Variants in CDC42BPA observed in about 807,000 individuals in gnomAD.
The protein encoded by CDC42BPA is serine/threonine-protein kinase MRCK alpha.
Under a neutral mutation model 223.5 loss-of-function variants are expected in CDC42BPA, and 80 were observed. The ratio of observed to expected loss-of-function variants is 0.36; its 90% CI spans 0.30 to 0.43. The LOEUF is 0.43. CDC42BPA is among the 20% of genes least tolerant of loss of function. The pLI is 1.00. For missense variants in CDC42BPA, 1,743 were observed against 2,099.9 expected (o/e 0.83, Z 3.32); for synonymous variants, 694 against 718.6 (o/e 0.97, Z 0.55).
At chr1:227,196,823 A>G (rs1670839111) in intron 4 of CDC42BPA, among the ~76,000 whole-genome samples, 2 of 152,198 alleles carry the variant, frequency 1.3e-5, no homozygotes, top group African/African-American at 4.8e-5. Context: ...CCTCAACCAT[A>G]AAGTAACTAA....
At chr1:227,215,135 C>A (rs1674604276) in intron 2 of CDC42BPA, among the ~76,000 whole-genome samples, 1 of 152,104 alleles carries the variant, frequency 6.6e-6, no homozygotes, top group Admixed American at 6.6e-5. Context: ...ATAGAGTATA[C>A]AAACTAAATT....
intron 1 of CDC42BPA, among the ~76,000 whole-genome samples, chr1:227,303,390 C>A (rs1052393981): frequency 6.6e-6 from 1 of 152,216 alleles, no homozygotes; most frequent in African/African-American, 2.4e-5. Flanking sequence ...TTTACTTAAT[C>A]TCCTTATTTT....
chr1:227,073,017 G>A (rs10495261), intron 19 of CDC42BPA, among the ~76,000 whole-genome samples: 2 of 151,954 alleles, frequency 1.3e-5, no homozygotes, highest in African/African-American at 4.8e-5. Flanking sequence ...TAATCCAACA[G>A]AAGTATCATG....
intron 35 of CDC42BPA, among the ~76,000 whole-genome samples, chr1:227,000,093 TATAATAATAATAATA>T (rs10605581): frequency 0.018 from 2,319 of 130,664 alleles, 39 homozygotes; most frequent in African/African-American, 0.023. Context: ...GAACTTAAAG[TATAATAATAATAATA>T]ATAATAATAA....
chr1:227,144,683 G>A (rs1375738380), intron 8 of CDC42BPA, among the ~76,000 whole-genome samples: 2 of 151,466 alleles, frequency 1.3e-5, no homozygotes, highest in African/African-American at 4.9e-5. Context: ...TAACCTAAAG[G>A]GTTATAGCAG....
chr1:227,026,168 G>A lies in CDC42BPA; in HGVS notation c.4433-16C>T, dbSNP rs187070443. 2.1e-4 allele frequency: 294 copies of A among 1,416,390 alleles called. 1 individual carries two copies. The highest frequency in any genetic ancestry group is 1.8e-3 in the Middle Eastern group (10 of 5,656). The allele number at this position is 1,416,390 out of a possible 1,614,324, so 87.7% of individuals were successfully genotyped here. A position where few individuals can be genotyped will look rare whatever the true frequency, so the allele number is the denominator to read the frequency against. On this transcript the variant is annotated splice_polypyrimidine_tract_variant and intron_variant, in intron 30 of 36. Coordinates refer to ENST00000366766, the MANE Select transcript of CDC42BPA (RefSeq NM_001394014.1). ...GCATTGTAACCTGGGAGAAGGGAAG[G>A]GGGGGCAGCTTGCGGATTACTTTTA...
chr1:227,039,533 A>G (rs1670949316), intron 24 of CDC42BPA, among the ~76,000 whole-genome samples: 2 of 152,160 alleles, frequency 1.3e-5, no homozygotes, highest in Non-Finnish European at 2.9e-5. Flanking sequence ...GAATACCCAA[A>G]CAAATATACT....
chr1:227,107,820 A>G (rs1012206407), intron 14 of CDC42BPA, among the ~76,000 whole-genome samples: 1 of 152,046 alleles, frequency 6.6e-6, no homozygotes, highest in African/African-American at 2.4e-5. Context: ...ATACTGGGTT[A>G]TTTGTATCCT....
At chr1:227,236,722 AC>A (rs1387877087) in intron 2 of CDC42BPA, among the ~76,000 whole-genome samples, 45 of 151,960 alleles carry the variant, frequency 3.0e-4, no homozygotes, top group African/African-American at 1.0e-3. Flanking sequence ...CCCGATCACA[AC>A]CCCCACCTTT....
At chr1:227,151,476 C>T (rs1210671680) in intron 6 of CDC42BPA, among the ~76,000 whole-genome samples, 1 of 152,112 alleles carries the variant, frequency 6.6e-6, no homozygotes, top group Non-Finnish European at 1.5e-5. Context: ...CTTGCTTTCA[C>T]TTCTTTTGGG....
intron 5 of CDC42BPA, among the ~76,000 whole-genome samples, chr1:227,167,488 A>AT (rs1357314809): frequency 6.6e-6 from 1 of 151,900 alleles, no homozygotes; most frequent in African/African-American, 2.4e-5. Flanking sequence ...TTTCTTCTCT[A>AT]TTTTTTCTCC....
At chr1:227,056,366 A>T (rs1674548711) in intron 21 of CDC42BPA, among the ~76,000 whole-genome samples, 1 of 151,452 alleles carries the variant, frequency 6.6e-6, no homozygotes, top group Non-Finnish European at 1.5e-5. Flanking sequence ...TAAGTTAAAA[A>T]GTCCCAGTTT....
At chr1:227,163,184 G>A (rs1357447825) in intron 5 of CDC42BPA, among the ~76,000 whole-genome samples, 1 of 151,826 alleles carries the variant, frequency 6.6e-6, no homozygotes, top group Non-Finnish European at 1.5e-5. Context: ...CCAAACATAT[G>A]TGTGTATGTT....
chr1:227,076,414 GC>G (rs1558440834), intron 17 of CDC42BPA, among the ~76,000 whole-genome samples: 1 of 151,888 alleles, frequency 6.6e-6, no homozygotes, highest in Non-Finnish European at 1.5e-5. Flanking sequence ...ATGCCACCAC[GC>G]CTGGCTAATT....
At chr1:227,046,821 T>TA (rs1672543422) in intron 23 of CDC42BPA, among the ~76,000 whole-genome samples, 1 of 152,176 alleles carries the variant, frequency 6.6e-6, no homozygotes. Flanking sequence ...TATGCTTTAC[T>TA]ATCCTTAAAA....
chr1:227,052,681 G>A (rs1283282595), intron 21 of CDC42BPA, among the ~76,000 whole-genome samples: 1 of 152,084 alleles, frequency 6.6e-6, no homozygotes, highest in African/African-American at 2.4e-5. Flanking sequence ...AAGGTAATTT[G>A]GAAAAGTGGT....
intron 3 of CDC42BPA, among the ~76,000 whole-genome samples, chr1:227,203,380 C>G (rs538966047): frequency 1.1e-3 from 165 of 152,140 alleles, no homozygotes; most frequent in Non-Finnish European, 1.8e-3. Flanking sequence ...CACGACAACC[C>G]CTCCAACAAA....
chr1:226,996,142 C>T (rs555302605), intron 35 of CDC42BPA, among the ~76,000 whole-genome samples: 3 of 152,348 alleles, frequency 2.0e-5, no homozygotes, highest in South Asian at 2.1e-4. Context: ...GTCACAGGCT[C>T]GCTGGCATTT....
In CDC42BPA at chr1:227,031,188, T is replaced by C. The variant is rs1669208345; in HGVS notation, c.3775+110A>G. On this transcript the variant is annotated intron_variant, in intron 28 of 36. Transcript: ENST00000366766. Reference sequence around the variant, plus strand: ...AAACATGTACTGAGCATTTATGATATGATGCACAGTATGTTGGACACTGGG... The same window carrying C: ...AAACATGTACTGAGCATTTATGATACGATGCACAGTATGTTGGACACTGGG... 3 of 764,960 alleles carry C rather than the reference T, an allele frequency of 3.9e-6. No homozygotes were observed. In the African/African-American group the frequency reaches 5.3e-5, roughly 13 times the overall value. The allele number at this position is 764,960 out of a possible 1,614,324, so 47.4% of individuals were successfully genotyped here. A position where few individuals can be genotyped will look rare whatever the true frequency, so the allele number is the denominator to read the frequency against.
Sources: gnomAD v4.1 joint callset for allele counts (sites outside exome capture counted in the v4.1 genomes callset) on GRCh38, gnomAD v4.1.1 for gene constraint, MANE v1.5 for transcripts, NCBI Gene and HGNC (gene_info 2026-07-23, HGNC 2026-07-21) for gene names.